Variants in HS6ST2 observed in about 807,000 individuals in gnomAD.
HS6ST2 encodes the protein heparan sulfate 6-O-sulfotransferase 2.
Under a neutral mutation model 33.0 loss-of-function variants are expected in HS6ST2, and 17 were observed. The observed-to-expected ratio is 0.52, with a 90% CI of 0.35 to 0.77. HS6ST2 has a LOEUF of 0.77. Among genes scored for constraint, HS6ST2 ranks in the 30% least tolerant of loss-of-function variants. HS6ST2 has a pLI of 0.01. For synonymous variants in HS6ST2, 248 were observed against 237.1 expected (o/e 1.05, Z -0.42); for missense variants, 519 against 551.7 (o/e 0.94, Z 0.59).
At chrX:132,897,958 G>A (rs762874079) in intron 2 of HS6ST2, among the ~76,000 whole-genome samples, 29 of 111,580 alleles carry the variant, frequency 2.6e-4, no homozygotes, top group Admixed American at 4.8e-4. Flanking sequence ...ACTGGTCCAT[G>A]GCTTGTTAGG....
At chrX:132,795,887 G>A (rs759139995) in intron 2 of HS6ST2, among the ~76,000 whole-genome samples, 45 of 111,944 alleles carry the variant, frequency 4.0e-4, no homozygotes, top group Non-Finnish European at 6.2e-4. Flanking sequence ...TGGATTACAG[G>A]CATGCACTAC....
chrX:132,689,429 T>C (rs1164875981), intron 3 of HS6ST2, among the ~76,000 whole-genome samples: 1 of 111,602 alleles, frequency 9.0e-6, no homozygotes, highest in East Asian at 2.8e-4. Flanking sequence ...GATACAAAAG[T>C]GTCCTCAAAC....
intron 3 of HS6ST2, 30 bp from the exon 4 acceptor site, chrX:132,669,229 T>A: frequency 2.6e-6 from 3 of 1,160,035 alleles, no homozygotes; most frequent in Non-Finnish European, 3.5e-6. Context: ...AGAAAACATA[T>A]ACACAACAAG....
rs188790524 is a variant in HS6ST2, at chrX:132,760,730, G to A, written c.948-52236C>T. On this transcript the variant is annotated intron_variant, in intron 2 of 4. Coordinates refer to ENST00000370833, the MANE Select transcript of HS6ST2 (RefSeq NM_001394073.1). ...TGAGCACTTCGAGTTCAGTGGAGGGGGCAGGGCGAGTAAATGCCCACCTTT... is the reference window on the plus strand; with the variant it reads ...TGAGCACTTCGAGTTCAGTGGAGGGAGCAGGGCGAGTAAATGCCCACCTTT... Among the ~76,000 whole-genome samples the A allele has an allele frequency of 4.2e-4, 47 of 111,078 alleles. No homozygotes were observed. In the Middle Eastern group the frequency reaches 0.014, roughly 33 times the overall value.
At chrX:132,826,701 C>T (rs1378725192) in intron 2 of HS6ST2, among the ~76,000 whole-genome samples, 2 of 109,928 alleles carry the variant, frequency 1.8e-5, no homozygotes, top group Admixed American at 9.7e-5. Flanking sequence ...AAATATAAAG[C>T]ATGTGAACAC....
chrX:132,643,568 C>G (rs2063617629), intron 4 of HS6ST2, among the ~76,000 whole-genome samples: 1 of 111,678 alleles, frequency 9.0e-6, no homozygotes, highest in Non-Finnish European at 1.9e-5. Flanking sequence ...AATGAGAATG[C>G]TAAAGCCCAG....
intron 2 of HS6ST2, among the ~76,000 whole-genome samples, chrX:132,832,614 G>GT (rs994065120): frequency 5.9e-4 from 66 of 111,413 alleles, no homozygotes; most frequent in Admixed American, 9.6e-4. Context: ...CTTTCCAATA[G>GT]TTTTTTTATT....
intron 2 of HS6ST2, among the ~76,000 whole-genome samples, chrX:132,903,685 T>C (rs2066445359): frequency 8.9e-6 from 1 of 112,119 alleles, no homozygotes; most frequent in South Asian, 3.7e-4. Context: ...TAGCCTTTGT[T>C]TTACATCACA....
chrX:132,648,877 G>A (rs2063667084), intron 4 of HS6ST2, among the ~76,000 whole-genome samples: 1 of 111,885 alleles, frequency 8.9e-6, no homozygotes, highest in East Asian at 2.8e-4. Flanking sequence ...TGGAGCCCTG[G>A]GAGGAGGTTC....
chrX:132,784,560 T>C (rs2065044576), intron 2 of HS6ST2, among the ~76,000 whole-genome samples: 1 of 111,818 alleles, frequency 8.9e-6, no homozygotes, highest in Non-Finnish European at 1.9e-5. Context: ...TCTGCCCGCC[T>C]TGGCCTCCAA....
intron 4 of HS6ST2, among the ~76,000 whole-genome samples, chrX:132,647,891 C>A (rs2063659126): frequency 8.9e-6 from 1 of 112,223 alleles, no homozygotes; most frequent in African/African-American, 3.2e-5. Flanking sequence ...ATGAGCTCTG[C>A]AGCCATTCTG....
At chrX:132,892,935 A>G (rs2066331419) in intron 2 of HS6ST2, among the ~76,000 whole-genome samples, 2 of 112,552 alleles carry the variant, frequency 1.8e-5, no homozygotes, top group African/African-American at 6.4e-5. Flanking sequence ...CAATAAATGT[A>G]AATGCTATAT....
chrX:132,790,845 T>C (rs1399260619), intron 2 of HS6ST2, among the ~76,000 whole-genome samples: 2 of 112,293 alleles, frequency 1.8e-5, no homozygotes, highest in African/African-American at 6.5e-5. Context: ...GAAATAATTT[T>C]GTAAACCCTC....
At chrX:132,952,869 GTTC>G (rs1178412914) in intron 2 of HS6ST2, among the ~76,000 whole-genome samples, 9 of 111,351 alleles carry the variant, frequency 8.1e-5, no homozygotes, top group Non-Finnish European at 1.7e-4. Flanking sequence ...GTAGAAATCT[GTTC>G]TTCTCCCAAT....
intron 3 of HS6ST2, among the ~76,000 whole-genome samples, chrX:132,670,980 T>C (rs1398656795): frequency 8.9e-6 from 1 of 111,998 alleles, no homozygotes; most frequent in African/African-American, 3.2e-5. Flanking sequence ...AATGAAGTGC[T>C]GGGATTCCTG....
chrX:132,922,863 G>A (rs945922193), intron 2 of HS6ST2, among the ~76,000 whole-genome samples: 3 of 110,853 alleles, frequency 2.7e-5, no homozygotes, highest in African/African-American at 6.6e-5. Flanking sequence ...AGGAATTTGA[G>A]ACCAGTCTAC....
upstream of HS6ST2, chrX:132,958,643 G>A (rs1013691042): frequency 6.5e-6 from 7 of 1,081,882 alleles, no homozygotes; most frequent in Non-Finnish European, 8.6e-6. Flanking sequence ...GATCACGAGC[G>A]AGCTTGAATT....
At chrX:132,756,894 A>G (rs2064761328) in intron 2 of HS6ST2, among the ~76,000 whole-genome samples, 1 of 108,692 alleles carries the variant, frequency 9.2e-6, no homozygotes, top group African/African-American at 3.4e-5. Context: ...ATTTCCCTAA[A>G]TACAGAGTAC....
At chrX:132,708,331 C>A in intron 3 of HS6ST2, 131 bp downstream of exon 3, 2 of 221,902 alleles carry the variant, frequency 9.0e-6, no homozygotes, top group East Asian at 8.2e-5. Flanking sequence ...AAAAAAAAGC[C>A]CTGGAAAGAA....
Sources: allele counts gnomAD v4.1 joint callset (sites outside exome capture counted in the v4.1 genomes callset), GRCh38; gene constraint gnomAD v4.1.1; transcripts MANE v1.5; gene names NCBI Gene and HGNC (gene_info 2026-07-23, HGNC 2026-07-21).